The following SPESP1 variants were observed in gnomAD, a reference collection of about 807,000 sequenced individuals.
SPESP1 encodes the protein equatorial segment protein.
In SPESP1, 1 loss-of-function variant was observed where a neutral mutation model predicts 3.1. The observed-to-expected ratio is 0.33, with a 90% CI of 0.12 to 1.54. The LOEUF is 1.54. SPESP1 is among the 40% of genes most tolerant of loss of function. The pLI, the probability that SPESP1 is intolerant of heterozygous loss-of-function variation, is 0.38. For synonymous variants in SPESP1, 138 were observed against 150.7 expected, an observed-to-expected ratio of 0.92 and a Z score of 0.62; for missense variants, 398 against 410.1, an observed-to-expected ratio of 0.97 and a Z score of 0.26.
chr15:68,945,500 G>A (rs967204970), intron 1 of SPESP1, 99 bp from the exon 2 acceptor site: 1 of 950,770 alleles, frequency 1.1e-6, no homozygotes, highest in Non-Finnish European at 1.4e-6. Flanking sequence ...CAATTTTTAA[G>A]TGATAGCATA....
At chr15:68,930,862 G>A in intron 1 of SPESP1, 145 bp downstream of exon 1, 5 of 1,275,518 alleles carry the variant, frequency 3.9e-6, no homozygotes, top group Non-Finnish European at 5.4e-6. Context: ...CCTCGACGCC[G>A]AGGGGTGTCC....
chr15:68,945,134 A>T (rs2140429185), intron 1 of SPESP1, among the ~76,000 whole-genome samples: 1 of 152,338 alleles, frequency 6.6e-6, no homozygotes, highest in East Asian at 1.9e-4. Flanking sequence ...CTTTTAATAT[A>T]ATTTATTTGA....
At chr15:68,935,761 G>A (rs1029822654) in intron 1 of SPESP1, among the ~76,000 whole-genome samples, 31 of 152,306 alleles carry the variant, frequency 2.0e-4, no homozygotes, top group African/African-American at 7.0e-4. Context: ...TAAGATTTGT[G>A]TAATAATAAA....
chr15:68,932,540 G>A (rs1379427173), intron 1 of SPESP1, among the ~76,000 whole-genome samples: 2 of 152,020 alleles, frequency 1.3e-5, no homozygotes, highest in Admixed American at 6.6e-5. Flanking sequence ...ATAGGCGCAC[G>A]CCACTACCGC....
intron 1 of SPESP1, among the ~76,000 whole-genome samples, chr15:68,942,106 G>C (rs1423466165): frequency 6.6e-6 from 1 of 151,772 alleles, no homozygotes; most frequent in Non-Finnish European, 1.5e-5. Context: ...TTACAGGTGT[G>C]AATCACTGCA....
At chr15:68,934,786 A>G (rs1895642163) in intron 1 of SPESP1, among the ~76,000 whole-genome samples, 1 of 152,112 alleles carries the variant, frequency 6.6e-6, no homozygotes, top group African/African-American at 2.4e-5. Context: ...TAGTATCACT[A>G]TATATTTGAA....
At chr15:68,934,314 C>A (rs554438719) in intron 1 of SPESP1, among the ~76,000 whole-genome samples, 27 of 152,138 alleles carry the variant, frequency 1.8e-4, no homozygotes, top group Non-Finnish European at 3.4e-4. Context: ...AACAATAAGG[C>A]AGCAACCAGC....
Position 68,942,456 on chromosome 15 carries a change from C to A in SPESP1, c.65-3143C>A, listed in dbSNP as rs561434565. Among the ~76,000 whole-genome samples the A allele has an allele frequency of 1.2e-3, 183 of 152,110 alleles. 1 individual carries two copies. The highest frequency in any genetic ancestry group is 4.3e-3 in the African/African-American group (179 of 41,520). On this transcript the variant is annotated intron_variant, in intron 1 of 1. Transcript: ENST00000310673. ...ATCTAATTGCATTGACTAGTATCTCCAACATGATGTTAAATATTAACAGTA... is the reference window on the plus strand; with the variant it reads ...ATCTAATTGCATTGACTAGTATCTCAAACATGATGTTAAATATTAACAGTA...
chr15:68,930,829 T>A, intron 1 of SPESP1, 112 bp downstream of exon 1: 1 of 1,513,012 alleles, frequency 6.6e-7, no homozygotes, highest in Non-Finnish European at 9.0e-7. Context: ...CATGCCTCCC[T>A]CCCCCACTGT....
intron 1 of SPESP1, among the ~76,000 whole-genome samples, chr15:68,934,631 G>A (rs1895637904): frequency 6.6e-6 from 1 of 152,032 alleles, no homozygotes; most frequent in Non-Finnish European, 1.5e-5. Context: ...AAAAAGTCCT[G>A]TCTTTCTGTT....
chr15:68,941,266 G>A lies in SPESP1; in HGVS notation c.65-4333G>A, dbSNP rs77925531. On this transcript the variant is annotated intron_variant, in intron 1 of 1. Coordinates refer to ENST00000310673, the MANE Select transcript of SPESP1 (RefSeq NM_145658.4). ...TTTATGATGCTGAATCTTTTCATCT[G>A]AGAACATGGTATAGCTTTCTATTTG... 1.2e-3 allele frequency among the ~76,000 whole-genome samples: 188 copies of A among 152,278 alleles called. No homozygotes were observed. In the East Asian group the frequency reaches 0.024, roughly 20 times the overall value.
At chr15:68,939,578 G>GT (rs1895766109) in intron 1 of SPESP1, among the ~76,000 whole-genome samples, 1 of 152,188 alleles carries the variant, frequency 6.6e-6, no homozygotes, top group African/African-American at 2.4e-5. Context: ...ATAGGGAGAT[G>GT]TTTTAGGGGA....
chr15:68,945,030 A>G (rs1393914856), intron 1 of SPESP1, among the ~76,000 whole-genome samples: 1 of 152,204 alleles, frequency 6.6e-6, no homozygotes, highest in Admixed American at 6.5e-5. Flanking sequence ...ATGCATTTTC[A>G]TCATACAGAT....
intron 1 of SPESP1, among the ~76,000 whole-genome samples, chr15:68,936,597 C>G (rs1299908375): frequency 6.6e-6 from 1 of 152,074 alleles, no homozygotes; most frequent in Non-Finnish European, 1.5e-5. Context: ...TGTGGGATGA[C>G]AAAACTGTTT....
intron 1 of SPESP1, among the ~76,000 whole-genome samples, chr15:68,931,434 A>G (rs551235259): frequency 1.3e-5 from 2 of 152,158 alleles, no homozygotes; most frequent in South Asian, 2.1e-4. Flanking sequence ...CGTTAGAACA[A>G]CGGGGTTAAG....
At chr15:68,938,202 A>G (rs1443100922) in intron 1 of SPESP1, among the ~76,000 whole-genome samples, 1 of 152,204 alleles carries the variant, frequency 6.6e-6, no homozygotes, top group African/African-American at 2.4e-5. Flanking sequence ...GCTGGTCTCG[A>G]ACTCCTGACC....
chr15:68,936,506 T>C (rs779614594), intron 1 of SPESP1, among the ~76,000 whole-genome samples: 13 of 152,174 alleles, frequency 8.5e-5, no homozygotes, highest in African/African-American at 1.4e-4. Context: ...ATGTCTAGCA[T>C]AGGCAAATGC....
At chr15:68,941,573 G>GTCTCTTCCTCCACATTA (rs1567064526) in intron 1 of SPESP1, among the ~76,000 whole-genome samples, 1 of 151,866 alleles carries the variant, frequency 6.6e-6, no homozygotes, top group Admixed American at 6.6e-5. Flanking sequence ...TCTAATCTCT[G>GTCTCTTCCTCCACATTA]CCTCTTCCTC....
chr15:68,946,304 C>G lies in SPESP1; in HGVS notation c.770C>G (p.Ser257Cys). ...GCATATAGAGAAGATATTGAAGCCT[C>G]TAAAGATCACCTAAAACGAAGCCTT... is the stretch of plus-strand genomic sequence containing the variant. ...NPAYREDIEA[S>C]KDHLKRSLAL... The change falls in exon 2 of 2, where the codon TCT (serine) becomes TGT (cysteine). Residue 257 changes from serine (S) to cysteine (C), a missense_variant. By Grantham distance (112) the Ser-to-Cys change is moderately radical. Coordinates refer to ENST00000310673, the MANE Select transcript of SPESP1 (RefSeq NM_145658.4). The G allele has an allele frequency of 1.2e-6, 2 of 1,614,088 alleles. No homozygotes were observed. The highest frequency in any genetic ancestry group is 1.7e-6 in the Non-Finnish European group (2 of 1,180,040).
Sources: allele counts gnomAD v4.1 joint callset (sites outside exome capture counted in the v4.1 genomes callset), GRCh38; gene constraint gnomAD v4.1.1; transcripts MANE v1.5; gene names NCBI Gene and HGNC (gene_info 2026-07-23, HGNC 2026-07-21).